The following COPB1 variants were observed in gnomAD, a reference collection of about 807,000 sequenced individuals.
COPB1 encodes coatomer subunit beta.
COPB1 carries 21 observed loss-of-function variants against 108.7 expected under a neutral mutation model. The observed-to-expected ratio is 0.19, with a 90% CI of 0.14 to 0.28. The LOEUF is 0.28. Among genes scored for constraint, COPB1 ranks in the 10% least tolerant of loss-of-function variants. The pLI is 1.00. For missense variants in COPB1, 919 were observed against 1,141.3 expected (o/e 0.81, Z 2.81); for synonymous variants, 378 against 386.8 (o/e 0.98, Z 0.27).
Position 14,481,949 on chromosome 11 carries a change from C to T in COPB1, c.958-852G>A, listed in dbSNP as rs1850670618. ...GACTACAGTTGCACACCACCATGTCCAGCTAATTTTTGTATTTTAATGGAG... is the reference window on the plus strand; with the variant it reads ...GACTACAGTTGCACACCACCATGTCTAGCTAATTTTTGTATTTTAATGGAG... On this transcript the variant is annotated intron_variant, in intron 8 of 21. Transcript: ENST00000439561. Among the ~76,000 whole-genome samples the T allele has an allele frequency of 1.3e-5, 2 of 152,036 alleles. 1 individual carries two copies. The highest frequency in any genetic ancestry group is 4.2e-4 in the South Asian group (2 of 4,814).
chr11:14,466,418 T>C lies in COPB1; in HGVS notation c.2154A>G (p.Gln718=), dbSNP rs556045596. 1.9e-5 allele frequency: 31 copies of C among 1,610,580 alleles called. No individual in the cohort carries two copies. Among genetic ancestry groups the C allele is most frequent in the East Asian group, 8.9e-5 (4 of 44,804 alleles). The part of the protein sequence containing the change: ...PLASKLNKVT[Q]LTGFSDPVYA... ...ATACAGGATCTGAGAAACCTGTCAA[T>C]TGGGTGACCTGTCAAAACAAAAACA... is the stretch of plus-strand genomic sequence containing the variant. Residue 718 remains glutamine, a synonymous_variant, in exon 17 of 22, where the codon CAA becomes CAG. Transcript: ENST00000439561.
Position 14,490,663 on chromosome 11 carries a change from T to A in COPB1, c.508A>T (p.Ile170Leu), listed in dbSNP as rs1332411203. 1 of 1,603,270 alleles carries A rather than the reference T, an allele frequency of 6.2e-7. No homozygotes were observed. Reference sequence around the variant, plus strand: ...TGTATCAGTTCAGGAGCATCAGGTATAAGATGTTCAAAATTTCTTTAAATA... The same window carrying A: ...TGTATCAGTTCAGGAGCATCAGGTAAAAGATGTTCAAAATTTCTTTAAATA... ...YTIYRNFEHLIPDAPELIHDF... is the reference protein window; with the variant it reads ...YTIYRNFEHLLPDAPELIHDF... Residue 170 changes from isoleucine to leucine, a missense_variant, in exon 5 of 22, where the codon ATA becomes TTA. Transcript: ENST00000439561.
intron 7 of COPB1, among the ~76,000 whole-genome samples, chr11:14,485,044 T>C (rs1850740514): frequency 6.6e-6 from 1 of 152,230 alleles, no homozygotes; most frequent in Non-Finnish European, 1.5e-5. Flanking sequence ...AGGGTCTCAC[T>C]GTTTCACCTA....
At chr11:14,486,173 T>C (rs1459380743) in intron 7 of COPB1, among the ~76,000 whole-genome samples, 194 bp downstream of exon 7, 1 of 152,204 alleles carries the variant, frequency 6.6e-6, no homozygotes, top group African/African-American at 2.4e-5. Context: ...TCTGTATCTA[T>C]ATATGTGTGT....
At chr11:14,470,899 TACACACACACACACACACAC>T (rs56957263) in intron 14 of COPB1, among the ~76,000 whole-genome samples, 10 of 134,852 alleles carry the variant, frequency 7.4e-5, no homozygotes, top group African/African-American at 1.7e-4. Context: ...GTGGAAGAAA[TACACACACACACACACACAC>T]ACACACACAC....
intron 2 of COPB1, among the ~76,000 whole-genome samples, chr11:14,497,894 A>G (rs1021227047): frequency 1.3e-5 from 2 of 152,234 alleles, no homozygotes; most frequent in East Asian, 3.8e-4. Flanking sequence ...ATTTGCAAAA[A>G]TATGGATGGA....
At chr11:14,467,039 A>C (rs921245326) in intron 16 of COPB1, among the ~76,000 whole-genome samples, 3 of 152,204 alleles carry the variant, frequency 2.0e-5, no homozygotes, top group Admixed American at 1.3e-4. Context: ...AAAAGAAAAA[A>C]TAGATTAAAC....
intron 16 of COPB1, among the ~76,000 whole-genome samples, chr11:14,466,693 A>G (rs562990961): frequency 6.6e-6 from 1 of 152,334 alleles, no homozygotes; most frequent in Non-Finnish European, 1.5e-5. Context: ...TTTTGAGCTT[A>G]TAAGTTCAGT....
intron 8 of COPB1, 48 bp from the exon 9 acceptor site, chr11:14,481,145 C>G (rs755616100): frequency 1.4e-6 from 2 of 1,447,114 alleles, no homozygotes; most frequent in Admixed American, 3.8e-5. Context: ...TTTCTGGTCA[C>G]AGGAAAAAAA....
chr11:14,470,229 CT>C (rs1850369907), intron 14 of COPB1, among the ~76,000 whole-genome samples: 1 of 152,158 alleles, frequency 6.6e-6, no homozygotes, highest in African/African-American at 2.4e-5. Flanking sequence ...ATCGCACTAA[CT>C]TTTTTAAAGA....
Position 14,494,315 on chromosome 11 carries a change from G to A in COPB1, c.216C>T (p.His72=), listed in dbSNP as rs1850970328. Residue 72 remains histidine, a synonymous_variant, in exon 3 of 22, where the codon CAC becomes CAT. Coordinates refer to ENST00000439561, the MANE Select transcript of COPB1 (RefSeq NM_001144061.2). Reference sequence around the variant, plus strand: ...ATACCAGAAGTAATTTCTTGATAGTGTGATCCTGAAGAGGTAGCACAAAAC... The same window carrying A: ...ATACCAGAAGTAATTTCTTGATAGTATGATCCTGAAGAGGTAGCACAAAAC... ...IIRFVLPLQD[H]TIKKLLLVFW... is the part of the protein sequence containing the mutation. 6 of 1,613,604 alleles carry A rather than the reference G, an allele frequency of 3.7e-6. No individual in the cohort carries two copies. Among genetic ancestry groups the A allele is most frequent in the Non-Finnish European group, 5.1e-6 (6 of 1,179,646 alleles).
At chr11:14,491,537 C>T (rs965483071) in intron 4 of COPB1, among the ~76,000 whole-genome samples, 2 of 152,216 alleles carry the variant, frequency 1.3e-5, no homozygotes, top group East Asian at 1.9e-4. Flanking sequence ...GGCGTGGTAG[C>T]GCATGCCTGT....
At chr11:14,469,631 T>G in intron 14 of COPB1, 68 bp from the exon 15 acceptor site, 1 of 1,277,614 alleles carries the variant, frequency 7.8e-7, no homozygotes, top group South Asian at 1.2e-5. Context: ...GTCACTTCAT[T>G]ATAACTCACA....
intron 12 of COPB1, 49 bp from the exon 13 acceptor site, chr11:14,475,994 C>T (rs751414661): frequency 3.4e-5 from 48 of 1,422,502 alleles, no homozygotes; most frequent in Non-Finnish European, 4.3e-5. Flanking sequence ...CAACAGCAAG[C>T]AAAATTATCT....
At position 14,477,021 on chromosome 11, in the gene COPB1, A is replaced by G; in HGVS notation, c.1359-6T>C. On this transcript the variant is annotated splice_region_variant and splice_polypyrimidine_tract_variant and intron_variant, in intron 11 of 21. Coordinates refer to ENST00000439561, the MANE Select transcript of COPB1 (RefSeq NM_001144061.2). ...ATAATGCTCCTCGGTAAATCCTAGC[A>G]CAATACAAGATCTGAAACATGAACT... 6.5e-7 allele frequency: 1 copy of G among 1,546,248 alleles called. No individual in the cohort carries two copies. Among genetic ancestry groups the G allele is most frequent in the South Asian group, 1.1e-5 (1 of 89,422 alleles).
At position 14,468,699 on chromosome 11, in the gene COPB1, T is replaced by C; in HGVS notation, c.2127A>G (p.Leu709=). ...NTQRKEAADP[L]ASKLNKVTQL... Reference sequence around the variant, plus strand: ...TTGTTACCTTGTTAAGTTTAGATGCTAGGGGATCTGCTGCCTCTTTCCTCT... The same window carrying C: ...TTGTTACCTTGTTAAGTTTAGATGCCAGGGGATCTGCTGCCTCTTTCCTCT... The change falls in exon 16 of 22, where the codon CTA becomes CTG. Residue 709 remains leucine (L), a synonymous_variant. Transcript: ENST00000439561. 1.2e-6 allele frequency: 2 copies of C among 1,614,054 alleles called. No homozygotes were observed. Among genetic ancestry groups the C allele is most frequent in the Non-Finnish European group, 8.5e-7 (1 of 1,179,974 alleles).
chr11:14,491,930 T>C, intron 4 of COPB1, among the ~76,000 whole-genome samples: 1 of 152,214 alleles, frequency 6.6e-6, no homozygotes, highest in East Asian at 1.9e-4. Context: ...TGCCTCTTCT[T>C]TTGGAAATTT....
intron 4 of COPB1, among the ~76,000 whole-genome samples, chr11:14,492,899 A>G (rs1338713230): frequency 6.6e-6 from 1 of 152,134 alleles, no homozygotes; most frequent in African/African-American, 2.4e-5. Context: ...CAATCCCAGC[A>G]CTTTGGGAGG....
chr11:14,458,763 CTTTT>C (rs34021860), intron 20 of COPB1, 76 bp from the exon 21 acceptor site: 2,734 of 791,242 alleles, frequency 3.5e-3, no homozygotes, highest in South Asian at 5.1e-3. Context: ...GCATAGGTGA[CTTTT>C]TTTTTTTTTT....
Sources: gnomAD v4.1 joint callset for allele counts (sites outside exome capture counted in the v4.1 genomes callset) on GRCh38, gnomAD v4.1.1 for gene constraint, MANE v1.5 for transcripts, NCBI Gene and HGNC (gene_info 2026-07-23, HGNC 2026-07-21) for gene names.